Variants in NLGN1 observed in about 807,000 individuals in gnomAD.
NLGN1 encodes the protein neuroligin 1.
In NLGN1, 12 loss-of-function variants were observed where a neutral mutation model predicts 65.5. The observed-to-expected ratio is 0.18, with a 90% CI of 0.12 to 0.30. The LOEUF (loss-of-function observed/expected upper bound fraction) is 0.30. Among genes scored for constraint, NLGN1 ranks in the 10% least tolerant of loss-of-function variants. NLGN1 has a pLI of 1.00. For missense variants in NLGN1, 750 were observed against 1,007.1 expected (o/e 0.74, Z 3.46); for synonymous variants, 350 against 359.5 (o/e 0.97, Z 0.30).
intron 4 of NLGN1, among the ~76,000 whole-genome samples, chr3:173,920,190 T>G (rs1430116757): frequency 1.3e-5 from 2 of 151,914 alleles, no homozygotes; most frequent in Non-Finnish European, 2.9e-5. Context: ...TTGGATTATC[T>G]CTTATGGTTA....
intron 3 of NLGN1, among the ~76,000 whole-genome samples, chr3:173,702,835 C>A (rs1469247054): frequency 6.6e-6 from 1 of 152,180 alleles, no homozygotes; most frequent in Non-Finnish European, 1.5e-5. Flanking sequence ...ACTGTTTTTA[C>A]TCATCTTTCT....
chr3:173,622,587 A>G (rs1332556425), intron 3 of NLGN1, among the ~76,000 whole-genome samples: 2 of 142,400 alleles, frequency 1.4e-5, no homozygotes, highest in African/African-American at 2.7e-5. Flanking sequence ...AAAGAGGAGG[A>G]AAAAAAAAAA....
chr3:174,104,039 T>G (rs1204255490), intron 4 of NLGN1, among the ~76,000 whole-genome samples: 1 of 152,074 alleles, frequency 6.6e-6, no homozygotes, highest in East Asian at 1.9e-4. Context: ...GATATTTTAC[T>G]TTATCTTTTA....
At chr3:173,482,528 T>C (rs1242627414) in intron 2 of NLGN1, among the ~76,000 whole-genome samples, 4 of 151,964 alleles carry the variant, frequency 2.6e-5, no homozygotes, top group South Asian at 2.1e-4. Flanking sequence ...TTTCTTGATT[T>C]TTCTCAAAAT....
chr3:173,428,961 T>C (rs1478154648), intron 1 of NLGN1, among the ~76,000 whole-genome samples: 1 of 152,160 alleles, frequency 6.6e-6, no homozygotes, highest in South Asian at 2.1e-4. Flanking sequence ...AATTTGATTA[T>C]TATATGCTTT....
At chr3:173,968,381 A>G (rs1232955283) in intron 4 of NLGN1, among the ~76,000 whole-genome samples, 1 of 152,150 alleles carries the variant, frequency 6.6e-6, no homozygotes, top group African/African-American at 2.4e-5. Flanking sequence ...CTAATTTTAA[A>G]AACAACTGAT....
chr3:174,274,370 AT>A (rs2152884630), intron 4 of NLGN1, among the ~76,000 whole-genome samples: 1 of 152,010 alleles, frequency 6.6e-6, no homozygotes, highest in East Asian at 1.9e-4. Flanking sequence ...GCTAAGTAAT[AT>A]GTTTGACTCT....
At chr3:174,005,977 A>G (rs539020390) in intron 4 of NLGN1, among the ~76,000 whole-genome samples, 10 of 152,072 alleles carry the variant, frequency 6.6e-5, no homozygotes, top group Admixed American at 5.9e-4. Context: ...TATGTACTGT[A>G]CTTCTCTCTA....
chr3:174,017,735 A>C (rs1726891852), intron 4 of NLGN1, among the ~76,000 whole-genome samples: 1 of 152,066 alleles, frequency 6.6e-6, no homozygotes, highest in South Asian at 2.1e-4. Flanking sequence ...AAGGGGAGGG[A>C]GTGTACAAAT....
intron 3 of NLGN1, among the ~76,000 whole-genome samples, chr3:173,664,046 CAGCACTGTAATTTATT>C (rs1318350275): frequency 6.6e-5 from 10 of 151,890 alleles, no homozygotes; most frequent in African/African-American, 2.4e-4. Context: ...CTGGGCCTTT[CAGCACTGTAATTTATT>C]TCTGTGCCAA....
At chr3:173,599,938 C>G (rs554875098) in intron 2 of NLGN1, among the ~76,000 whole-genome samples, 2 of 152,018 alleles carry the variant, frequency 1.3e-5, no homozygotes, top group Admixed American at 6.6e-5. Flanking sequence ...TTTATGAACA[C>G]AGATTGGAGA....
chr3:173,429,051 A>G (rs748546815), intron 1 of NLGN1, among the ~76,000 whole-genome samples: 75 of 152,030 alleles, frequency 4.9e-4, no homozygotes, highest in Non-Finnish European at 1.0e-3. Context: ...TAAGTTTGCA[A>G]TATTTTCTCT....
chr3:174,086,316 T>TATATATATATTTATGTATGTGCATAA (rs1561008384), intron 4 of NLGN1, among the ~76,000 whole-genome samples: 2 of 2,194 alleles, frequency 9.1e-4, no homozygotes, highest in African/African-American at 1.7e-3. Context: ...TGCATAAATA[T>TATATATATATTTATGTATGTGCATAA]ATATATATAT....
chr3:174,004,718 G>A (rs987968134), intron 4 of NLGN1, among the ~76,000 whole-genome samples: 4 of 152,112 alleles, frequency 2.6e-5, no homozygotes, highest in African/African-American at 9.6e-5. Flanking sequence ...ACTTTAAAAT[G>A]GAATAGAAAT....
chr3:173,910,999 A>G (rs1193094126), intron 4 of NLGN1: 5 of 152,230 alleles, frequency 3.3e-5, no homozygotes, highest in Admixed American at 3.3e-4. Context: ...GCCTGAAATC[A>G]CAATGTTTTA....
chr3:173,769,343 C>T (rs901883), intron 3 of NLGN1, among the ~76,000 whole-genome samples: 1 of 152,056 alleles, frequency 6.6e-6, no homozygotes, highest in African/African-American at 2.4e-5. Context: ...CATTGTGTGA[C>T]TTCTATGCTC....
chr3:174,001,522 A>G (rs1417112740), intron 4 of NLGN1, among the ~76,000 whole-genome samples: 1 of 152,224 alleles, frequency 6.6e-6, no homozygotes, highest in Non-Finnish European at 1.5e-5. Flanking sequence ...ATCAGTAACT[A>G]AAAGTCTACA....
Position 174,237,261 on chromosome 3 carries a change from T to C in NLGN1, c.647-38054T>C, listed in dbSNP as rs7633645. Among the ~76,000 whole-genome samples the C allele has an allele frequency of 3.0e-3, 458 of 152,326 alleles. 1 individual carries two copies. Among genetic ancestry groups the C allele is most frequent in the African/African-American group, 0.01 (434 of 41,594 alleles). Reference sequence around the variant, plus strand: ...TGTGTTTAGACCTGAAAGCTTACATTAATATTTATTTACAGCTTACACAGA... The same window carrying C: ...TGTGTTTAGACCTGAAAGCTTACATCAATATTTATTTACAGCTTACACAGA... On this transcript the variant is annotated intron_variant, in intron 4 of 6. Coordinates refer to ENST00000457714, the Ensembl canonical transcript of NLGN1.
intron 2 of NLGN1, among the ~76,000 whole-genome samples, chr3:173,450,980 T>C (rs1721393080): frequency 6.6e-6 from 1 of 152,190 alleles, no homozygotes; most frequent in East Asian, 1.9e-4. Flanking sequence ...TTTTTCAAAG[T>C]TTTTAACTTC....
Sources: allele counts gnomAD v4.1 joint callset (sites outside exome capture counted in the v4.1 genomes callset), GRCh38; gene constraint gnomAD v4.1.1; transcripts MANE v1.5; gene names NCBI Gene and HGNC (gene_info 2026-07-23, HGNC 2026-07-21).